Variants in KCNMB4 observed in about 807,000 individuals in gnomAD.
The protein encoded by KCNMB4 is calcium-activated potassium channel subunit beta-4.
A neutral mutation model predicts 20.7 loss-of-function variants in KCNMB4; 3 were observed. The observed-to-expected ratio is 0.14, with a 90% CI of 0.07 to 0.37. The LOEUF (loss-of-function observed/expected upper bound fraction) is 0.37, where lower values mean the gene tolerates loss of function less well. Ranked by LOEUF, KCNMB4 falls within the 10% of genes least tolerant of loss-of-function variation. KCNMB4 has a pLI of 1.00. For synonymous variants in KCNMB4, 110 were observed against 113.4 expected, an observed-to-expected ratio of 0.97 and a Z score of 0.19; for missense variants, 168 against 265.9, an observed-to-expected ratio of 0.63 and a Z score of 2.56.
At chr12:70,370,338 C>G (rs1232230067) in intron 1 of KCNMB4, among the ~76,000 whole-genome samples, 1 of 148,938 alleles carries the variant, frequency 6.7e-6, no homozygotes, top group Non-Finnish European at 1.5e-5. Flanking sequence ...GACAGAGTCT[C>G]GCTCTGTCGC....
At chr12:70,426,035 C>T (rs1480506201) in intron 2 of KCNMB4, among the ~76,000 whole-genome samples, 1 of 151,982 alleles carries the variant, frequency 6.6e-6, no homozygotes. Context: ...TGGCTCACGT[C>T]TGTAATCCCA....
At chr12:70,395,395 A>G (rs1164605515) in intron 1 of KCNMB4, among the ~76,000 whole-genome samples, 1 of 152,186 alleles carries the variant, frequency 6.6e-6, no homozygotes, top group African/African-American at 2.4e-5. Context: ...ATTCAGTAAC[A>G]GAAGAAAGTT....
At chr12:70,384,773 G>A (rs563530790) in intron 1 of KCNMB4, among the ~76,000 whole-genome samples, 1 of 147,740 alleles carries the variant, frequency 6.8e-6, no homozygotes, top group East Asian at 2.0e-4. Flanking sequence ...TGTAGTTCTA[G>A]CAAGACGGTA....
At chr12:70,396,973 G>T (rs11178219) in intron 1 of KCNMB4, among the ~76,000 whole-genome samples, 1 of 152,182 alleles carries the variant, frequency 6.6e-6, no homozygotes, top group Non-Finnish European at 1.5e-5. Context: ...ATCTAGGGAG[G>T]ATCTGAGTTA....
chr12:70,420,910 T>C (rs1869033790), intron 2 of KCNMB4, among the ~76,000 whole-genome samples: 1 of 148,992 alleles, frequency 6.7e-6, no homozygotes, highest in African/African-American at 2.5e-5. Flanking sequence ...TACAAAAAAT[T>C]AGCCGGGCGT....
intron 2 of KCNMB4, among the ~76,000 whole-genome samples, chr12:70,406,727 C>G (rs965226216): frequency 2.0e-5 from 3 of 152,034 alleles, no homozygotes; most frequent in African/African-American, 7.2e-5. Context: ...CCTCTCACTC[C>G]CCACTTGGGA....
At chr12:70,387,555 A>C (rs1256936985) in intron 1 of KCNMB4, among the ~76,000 whole-genome samples, 1 of 151,852 alleles carries the variant, frequency 6.6e-6, no homozygotes, top group Non-Finnish European at 1.5e-5. Flanking sequence ...GGCGTGCACC[A>C]CCATGCCCAG....
At chr12:70,415,331 C>T (rs1868887725) in intron 2 of KCNMB4, among the ~76,000 whole-genome samples, 1 of 152,144 alleles carries the variant, frequency 6.6e-6, no homozygotes, top group Non-Finnish European at 1.5e-5. Context: ...ACAGAACTAA[C>T]CATGGTGAAT....
At chr12:70,424,053 A>T (rs557736013) in intron 2 of KCNMB4, among the ~76,000 whole-genome samples, 1 of 152,212 alleles carries the variant, frequency 6.6e-6, no homozygotes, top group African/African-American at 2.4e-5. Flanking sequence ...TACCTAACTT[A>T]GTAGGGAAAA....
At chr12:70,419,006 A>G (rs1868982017) in intron 2 of KCNMB4, among the ~76,000 whole-genome samples, 1 of 152,168 alleles carries the variant, frequency 6.6e-6, no homozygotes, top group Non-Finnish European at 1.5e-5. Context: ...TTAATCAGTG[A>G]AGGGAATATG....
chr12:70,419,463 A>C (rs1868993269), intron 2 of KCNMB4, among the ~76,000 whole-genome samples: 1 of 152,366 alleles, frequency 6.6e-6, no homozygotes, highest in South Asian at 2.1e-4. Context: ...AGAAATCAGC[A>C]GTATCAAAAC....
intron 1 of KCNMB4, among the ~76,000 whole-genome samples, chr12:70,372,155 T>C (rs1883607689): frequency 6.6e-6 from 1 of 152,098 alleles, no homozygotes. Context: ...CAAGTGTCTG[T>C]GTGAGGAACT....
At chr12:70,427,220 T>C (rs1869238489) in intron 2 of KCNMB4, among the ~76,000 whole-genome samples, 1 of 152,206 alleles carries the variant, frequency 6.6e-6, no homozygotes, top group African/African-American at 2.4e-5. Context: ...AGTTTTTGGC[T>C]AAACAATCTG....
At chr12:70,423,881 T>G (rs752730186) in intron 2 of KCNMB4, among the ~76,000 whole-genome samples, 9 of 152,340 alleles carry the variant, frequency 5.9e-5, no homozygotes, top group Admixed American at 5.2e-4. Context: ...AACAAAATAC[T>G]TTTCCTTTAC....
chr12:70,432,011 T>A lies in KCNMB4; in HGVS notation c.*1358T>A, dbSNP rs1365424909. On this transcript the variant is annotated 3_prime_UTR_variant, in exon 3 of 3. Transcript: ENST00000258111. ...ATGGTTTCCTGACCTTTAGTCCACATACCAATGTTTTCTTTTTTCTTTTTT... is the reference window on the plus strand; with the variant it reads ...ATGGTTTCCTGACCTTTAGTCCACAAACCAATGTTTTCTTTTTTCTTTTTT... The A allele has an allele frequency of 6.6e-6, 1 of 151,562 alleles. No individual in the cohort carries two copies. Among genetic ancestry groups the A allele is most frequent in the Non-Finnish European group, 1.5e-5 (1 of 68,030 alleles). 9.4% of individuals were successfully genotyped at this position (151,562 alleles called of 1,614,324 possible). A position where few individuals can be genotyped will look rare whatever the true frequency, so the allele number is the denominator to read the frequency against.
chr12:70,386,591 T>TTTC lies in KCNMB4; in HGVS notation c.337-13616_337-13615insCTT, dbSNP rs1565857209. On this transcript the variant is annotated intron_variant, in intron 1 of 2. Transcript: ENST00000258111. ...TAATTGTAGCCTTTTTGTTTGTTTG[T>TTTC]TTGTTGTTTTTTTTTTTTTTAAGGA... 2.3e-5 allele frequency among the ~76,000 whole-genome samples: 3 copies of TTTC among 131,182 alleles called. 1 individual carries two copies. 86.1% of individuals were successfully genotyped at this position (131,182 alleles called of 152,430 possible).
intron 2 of KCNMB4, among the ~76,000 whole-genome samples, chr12:70,413,677 C>T (rs1303345319): frequency 6.6e-6 from 1 of 152,170 alleles, no homozygotes; most frequent in Non-Finnish European, 1.5e-5. Context: ...TTTGCTGCAA[C>T]CCAAAATGAA....
chr12:70,430,205 AC>A (rs1207922996), intron 2 of KCNMB4, among the ~76,000 whole-genome samples: 1 of 152,160 alleles, frequency 6.6e-6, no homozygotes, highest in African/African-American at 2.4e-5. Context: ...ACATTAAGTA[AC>A]TTAGAATGAA....
Position 70,415,936 on chromosome 12 carries a change from T to G in KCNMB4, c.465-14549T>G, listed in dbSNP as rs116643075. Among the ~76,000 whole-genome samples, 626 of 152,344 alleles carry G rather than the reference T, an allele frequency of 4.1e-3. 4 individuals carry two copies. Among genetic ancestry groups the G allele is most frequent in the African/African-American group, 0.014 (592 of 41,580 alleles). ...ACACAAATATGGCCCTGGTCCCTGCTACATCATAGTTGTTCTGCAAATATC... is the reference window on the plus strand; with the variant it reads ...ACACAAATATGGCCCTGGTCCCTGCGACATCATAGTTGTTCTGCAAATATC... On this transcript the variant is annotated intron_variant, in intron 2 of 2. Transcript: ENST00000258111.
Sources: gnomAD v4.1 joint callset for allele counts (sites outside exome capture counted in the v4.1 genomes callset) on GRCh38, gnomAD v4.1.1 for gene constraint, MANE v1.5 for transcripts, NCBI Gene and HGNC (gene_info 2026-07-23, HGNC 2026-07-21) for gene names.